Variants in L3MBTL4 observed in about 807,000 individuals in gnomAD.
L3MBTL4 encodes the protein lethal(3)malignant brain tumor-like protein 4.
A neutral mutation model predicts 84.5 loss-of-function variants in L3MBTL4; 70 were observed. The ratio of observed to expected loss-of-function variants is 0.83; its 90% CI spans 0.68 to 1.01. L3MBTL4 has a LOEUF of 1.01. Ranked by LOEUF, L3MBTL4 falls within the 50% of genes least tolerant of loss-of-function variation. The pLI is 0.00. For missense variants in L3MBTL4, 715 were observed against 754.8 expected, an observed-to-expected ratio of 0.95 and a Z score of 0.62; for synonymous variants, 274 against 259.8, an observed-to-expected ratio of 1.05 and a Z score of -0.52.
chr18:6,356,124 T>C (rs1379912962), intron 1 of L3MBTL4, among the ~76,000 whole-genome samples: 2 of 152,244 alleles, frequency 1.3e-5, no homozygotes, highest in South Asian at 2.1e-4. Flanking sequence ...CTGGGCTTTC[T>C]GTGTCTGTAC....
chr18:6,167,536 T>A (rs886149519), intron 13 of L3MBTL4, among the ~76,000 whole-genome samples: 20 of 152,248 alleles, frequency 1.3e-4, no homozygotes, highest in Admixed American at 1.2e-3. Flanking sequence ...CGCAAATCAA[T>A]AAATGTAATC....
intron 13 of L3MBTL4, among the ~76,000 whole-genome samples, chr18:6,149,136 G>A (rs780333425): frequency 4.6e-5 from 7 of 151,630 alleles, no homozygotes; most frequent in African/African-American, 1.7e-4. Context: ...CCATGTTGGT[G>A]TGCCGCACCT....
At chr18:6,320,241 A>T (rs2051333456) in intron 1 of L3MBTL4, among the ~76,000 whole-genome samples, 1 of 152,090 alleles carries the variant, frequency 6.6e-6, no homozygotes, top group Admixed American at 6.6e-5. Context: ...TAAAACAAGG[A>T]TGCCCACTTT....
chr18:5,970,363 C>T (rs965315159), intron 16 of L3MBTL4, among the ~76,000 whole-genome samples: 3 of 152,238 alleles, frequency 2.0e-5, no homozygotes, highest in African/African-American at 4.8e-5. Flanking sequence ...ACGGGATCTC[C>T]ATGCACTTCA....
intron 16 of L3MBTL4, among the ~76,000 whole-genome samples, chr18:6,071,783 A>AT (rs2057647966): frequency 7.0e-6 from 1 of 143,408 alleles, no homozygotes; most frequent in Non-Finnish European, 1.5e-5. Context: ...GAAAGAAAGA[A>AT]AGAAAGAAAG....
At chr18:6,404,325 T>C (rs1421946425) in intron 1 of L3MBTL4, among the ~76,000 whole-genome samples, 1 of 152,198 alleles carries the variant, frequency 6.6e-6, no homozygotes, top group Non-Finnish European at 1.5e-5. Flanking sequence ...CTTGGTTCTT[T>C]CCATATTAGT....
chr18:6,102,339 C>T (rs1225288769), intron 14 of L3MBTL4, among the ~76,000 whole-genome samples: 1 of 152,174 alleles, frequency 6.6e-6, no homozygotes, highest in Admixed American at 6.5e-5. Flanking sequence ...CAGTGCAGAA[C>T]TTGTTCTCAG....
intron 16 of L3MBTL4, among the ~76,000 whole-genome samples, chr18:6,032,495 T>C (rs1598492570): frequency 1.3e-5 from 2 of 151,564 alleles, no homozygotes; most frequent in South Asian, 4.2e-4. Context: ...AATCAGCACA[T>C]GGGGTCCTTT....
At chr18:6,106,788 A>G (rs2059023154) in intron 14 of L3MBTL4, among the ~76,000 whole-genome samples, 1 of 152,202 alleles carries the variant, frequency 6.6e-6, no homozygotes, top group Admixed American at 6.5e-5. Context: ...ATAGTATCCT[A>G]TTTTGGTTAA....
intron 12 of L3MBTL4, among the ~76,000 whole-genome samples, chr18:6,197,582 G>A (rs1255005948): frequency 4.6e-5 from 7 of 152,276 alleles, no homozygotes; most frequent in Admixed American, 1.3e-4. Flanking sequence ...ATACGTGTGC[G>A]TGTGTCTTTG....
In L3MBTL4 at chr18:6,272,912, A is replaced by G. The variant is rs559578336; in HGVS notation, c.128-8874T>C. 1.5e-4 allele frequency among the ~76,000 whole-genome samples: 16 copies of G among 107,446 alleles called. No homozygotes were observed. In the East Asian group the frequency reaches 4.2e-3, roughly 28 times the overall value. The allele number at this position is 107,446 out of a possible 152,430, so 70.5% of individuals were successfully genotyped here. The stretch of plus-strand genomic sequence containing the variant: ...CTAGGACTGAATATAAGGAATACAG[A>G]AGAGTTCTGACAGCCCCACTGCATT... On this transcript the variant is annotated intron_variant, in intron 4 of 18. Coordinates refer to ENST00000317931, the MANE Select transcript of L3MBTL4 (RefSeq NM_001330559.2).
At chr18:6,338,621 T>C (rs2052456577) in intron 1 of L3MBTL4, among the ~76,000 whole-genome samples, 1 of 150,576 alleles carries the variant, frequency 6.6e-6, no homozygotes, top group Admixed American at 6.6e-5. Flanking sequence ...AGACAAAGAG[T>C]TGGTGACAAA....
At chr18:6,191,186 T>A (rs1477624583) in intron 12 of L3MBTL4, among the ~76,000 whole-genome samples, 1 of 152,060 alleles carries the variant, frequency 6.6e-6, no homozygotes, top group Non-Finnish European at 1.5e-5. Context: ...GAGAGAGAAC[T>A]GGGGCAGAGG....
chr18:6,234,722 C>G (rs1047926077), intron 10 of L3MBTL4, among the ~76,000 whole-genome samples: 2 of 152,158 alleles, frequency 1.3e-5, no homozygotes, highest in African/African-American at 4.8e-5. Context: ...GTTGGTGGGA[C>G]TGTAAACTAG....
chr18:6,013,398 C>T (rs929794183), intron 16 of L3MBTL4, among the ~76,000 whole-genome samples: 1 of 152,212 alleles, frequency 6.6e-6, no homozygotes, highest in Non-Finnish European at 1.5e-5. Context: ...TGACTCAGAA[C>T]GCAATGTGTA....
intron 16 of L3MBTL4, among the ~76,000 whole-genome samples, chr18:6,064,260 G>A (rs1342363337): frequency 6.6e-6 from 1 of 152,036 alleles, no homozygotes; most frequent in African/African-American, 2.4e-5. Flanking sequence ...GATAATTACA[G>A]CCTTGTAGTA....
At chr18:6,252,479 A>G (rs61161697) in intron 5 of L3MBTL4, among the ~76,000 whole-genome samples, 13,153 of 152,138 alleles carry the variant, frequency 0.086, 1,848 homozygotes, top group African/African-American at 0.29. Flanking sequence ...ATAGCTACAT[A>G]TATACAGATC....
intron 4 of L3MBTL4, among the ~76,000 whole-genome samples, chr18:6,291,446 T>A (rs777369297): frequency 4.6e-5 from 7 of 152,096 alleles, no homozygotes; most frequent in African/African-American, 1.7e-4. Flanking sequence ...GACTTCAAAA[T>A]TTACTATAAA....
At chr18:6,033,923 T>C (rs1039851596) in intron 16 of L3MBTL4, among the ~76,000 whole-genome samples, 2 of 152,248 alleles carry the variant, frequency 1.3e-5, no homozygotes, top group Admixed American at 1.3e-4. Context: ...TGAAAAAATA[T>C]GGAGTTACAA....
Sources: allele counts gnomAD v4.1 joint callset (sites outside exome capture counted in the v4.1 genomes callset), GRCh38; gene constraint gnomAD v4.1.1; transcripts MANE v1.5; gene names NCBI Gene and HGNC (gene_info 2026-07-23, HGNC 2026-07-21).